The following OTUD4 variants were observed in gnomAD, a reference collection of about 807,000 sequenced individuals.
The protein encoded by OTUD4 is OTU domain-containing protein 4.
In OTUD4, 24 loss-of-function variants were observed where a neutral mutation model predicts 130.4. The ratio of observed to expected loss-of-function variants is 0.18; its 90% CI spans 0.13 to 0.26. The LOEUF (loss-of-function observed/expected upper bound fraction) is 0.26. Ranked by LOEUF, OTUD4 falls within the 10% of genes least tolerant of loss-of-function variation. The pLI, the probability that OTUD4 is intolerant of heterozygous loss-of-function variation, is 1.00. For synonymous variants in OTUD4, 420 were observed against 472.5 expected (o/e 0.89, Z 1.44); for missense variants, 1,031 against 1,329.4 (o/e 0.78, Z 3.49).
intron 7 of OTUD4, among the ~76,000 whole-genome samples, chr4:145,157,950 A>G (rs766566343): frequency 1.3e-5 from 2 of 152,158 alleles, no homozygotes; most frequent in Non-Finnish European, 2.9e-5. Flanking sequence ...AAAGTCCCCC[A>G]ACCCCAATCA....
rs1451022080 is a variant in OTUD4, at chr4:145,162,336, G to A, written c.496+304C>T. ...TGGGAGGTCGAGGCGGGCGGATCAC[G>A]AGGTCAGGAGATCGAGACCACCCTG... On this transcript the variant is annotated intron_variant, in intron 6 of 20. Transcript: ENST00000447906. 5.3e-5 allele frequency among the ~76,000 whole-genome samples: 8 copies of A among 152,072 alleles called. No homozygotes were observed. The South Asian group carries it at 1.0e-3, about 20-fold the overall frequency.
At chr4:145,152,730 TTC>T in intron 10 of OTUD4, 95 bp from the exon 11 acceptor site, 1 of 694,696 alleles carries the variant, frequency 1.4e-6, no homozygotes. Context: ...TTTTTTTTTT[TTC>T]TTGAGACAGG....
intron 2 of OTUD4, among the ~76,000 whole-genome samples, chr4:145,173,342 C>A (rs1752267403): frequency 6.6e-6 from 1 of 151,616 alleles, no homozygotes; most frequent in Non-Finnish European, 1.5e-5. Flanking sequence ...TGCAGTGAGC[C>A]AAGATGGCGC....
intron 3 of OTUD4, among the ~76,000 whole-genome samples, chr4:145,168,513 C>G (rs1277418134): frequency 6.8e-6 from 1 of 147,048 alleles, no homozygotes; most frequent in Non-Finnish European, 1.5e-5. Context: ...GTATAAAGAA[C>G]TAGTAAAATT....
intron 14 of OTUD4, among the ~76,000 whole-genome samples, chr4:145,144,712 G>C (rs1011818008): frequency 6.6e-6 from 1 of 152,164 alleles, no homozygotes; most frequent in African/African-American, 2.4e-5. Flanking sequence ...AAGCCACCCT[G>C]AACAAACCTT....
Position 145,158,714 on chromosome 4 carries a change from A to AT in OTUD4, c.629+788_629+789insA, listed in dbSNP as rs1052288659. On this transcript the variant is annotated intron_variant, in intron 7 of 20. Coordinates refer to ENST00000447906, the MANE Select transcript of OTUD4 (RefSeq NM_001366057.1). The stretch of plus-strand genomic sequence containing the variant: ...ATACCATAGGTTTGGTTCTTATAAA[A>AT]GACAGAGTAAACATCCTAATATAAC... Among the ~76,000 whole-genome samples, 12 of 152,328 alleles carry AT rather than the reference A, an allele frequency of 7.9e-5. 1 individual carries two copies. The highest frequency in any genetic ancestry group is 2.6e-4 in the Admixed American group (4 of 15,306).
chr4:145,179,675 A>C (rs574108939), intron 1 of OTUD4, 140 bp downstream of exon 1: 1 of 1,404,992 alleles, frequency 7.1e-7, no homozygotes, highest in African/African-American at 1.5e-5. Flanking sequence ...CCGGCGTTAC[A>C]ATGGGGCGCT....
chr4:145,179,042 T>C (rs2126818612), intron 1 of OTUD4, among the ~76,000 whole-genome samples: 1 of 152,186 alleles, frequency 6.6e-6, no homozygotes, highest in East Asian at 1.9e-4. Context: ...ACACACAGTG[T>C]TATATAACAT....
At chr4:145,175,827 T>C (rs568493645) in intron 1 of OTUD4, among the ~76,000 whole-genome samples, 2 of 151,644 alleles carry the variant, frequency 1.3e-5, no homozygotes, top group Non-Finnish European at 2.9e-5. Flanking sequence ...ACAACAGGCA[T>C]GAGCCACTGT....
At chr4:145,150,444 A>G in intron 13 of OTUD4, 69 bp downstream of exon 13, 7 of 1,053,872 alleles carry the variant, frequency 6.6e-6, no homozygotes, top group Non-Finnish European at 5.7e-6. Flanking sequence ...TCAAATGCAC[A>G]TAATGTGGCA....
At position 145,179,584 on chromosome 4, in the gene OTUD4, C is replaced by A. The variant is rs906752882; in HGVS notation, c.159+231G>T. The A allele has an allele frequency of 7.3e-6, 10 of 1,363,100 alleles. No individual in the cohort carries two copies. In the East Asian group the frequency reaches 1.9e-4, roughly 26 times the overall value. 84.4% of individuals were successfully genotyped at this position (1,363,100 alleles called of 1,614,324 possible). A position where few individuals can be genotyped will look rare whatever the true frequency, so the allele number is the denominator to read the frequency against. On this transcript the variant is annotated intron_variant, in intron 1 of 20. Coordinates refer to ENST00000447906, the MANE Select transcript of OTUD4 (RefSeq NM_001366057.1). ...AGTTGTCCTCAACTCATTACCTCTTCATCAGGAGAGAGACACCCCGTTAAT... is the reference window on the plus strand; with the variant it reads ...AGTTGTCCTCAACTCATTACCTCTTAATCAGGAGAGAGACACCCCGTTAAT...
At chr4:145,153,282 T>C (rs1451150422) in intron 10 of OTUD4, among the ~76,000 whole-genome samples, 1 of 152,228 alleles carries the variant, frequency 6.6e-6, no homozygotes, top group East Asian at 1.9e-4. Context: ...AGGTCCTGGT[T>C]CTGAAGGCAG....
chr4:145,155,940 T>C lies in OTUD4; in HGVS notation c.686A>G (p.Asn229Ser). The change falls in exon 8 of 21, where the codon AAT (asparagine) becomes AGT (serine). Residue 229 changes from asparagine to serine, a missense_variant. This residue lies in a region of OTUD4 where 900 missense variants were observed against 1,095.9 expected (regional missense o/e 0.82). Transcript: ENST00000447906. ...AACCACTTTTAAAAAAAATACCTCA[T>C]TGCCTGACAAAGGTTTAAATCCATT... ...DVNGFKPLSG[N>S]EQLKNNGNST... is the part of the protein sequence containing the mutation. The C allele has an allele frequency of 6.2e-7, 1 of 1,608,418 alleles. No homozygotes were observed. The highest frequency in any genetic ancestry group is 8.5e-7 in the Non-Finnish European group (1 of 1,177,562).
Position 145,137,418 on chromosome 4 carries a change from C to G in OTUD4, c.*12G>C, listed in dbSNP as rs772387217. ...TAAGAGTTTCTGTTAGAAAATACTT[C>G]GGCAACAACCATCAAGTGTGCTGTC... On this transcript the variant is annotated 3_prime_UTR_variant, in exon 21 of 21. Transcript: ENST00000447906. 6.3e-7 allele frequency: 1 copy of G among 1,575,772 alleles called. No homozygotes were observed. Among genetic ancestry groups the G allele is most frequent in the Non-Finnish European group, 8.6e-7 (1 of 1,158,248 alleles).
chr4:145,135,311 A>G lies in OTUD4; in HGVS notation c.*2119T>C, dbSNP rs1477454654. ...TCAATTGAGGTAAGACAAAGTGACA[A>G]TGAAGATATGAGTAGTATTTCCTTC... On this transcript the variant is annotated 3_prime_UTR_variant, in exon 21 of 21. Coordinates refer to ENST00000447906, the MANE Select transcript of OTUD4 (RefSeq NM_001366057.1). 3.0e-4 allele frequency: 46 copies of G among 153,408 alleles called. No individual in the cohort carries two copies. The highest frequency in any genetic ancestry group is 1.7e-4 in the Non-Finnish European group (12 of 68,914). The allele number at this position is 153,408 out of a possible 1,614,324, so 9.5% of individuals were successfully genotyped here.
chr4:145,152,909 A>AT (rs1467976388), intron 10 of OTUD4, among the ~76,000 whole-genome samples: 3 of 130,320 alleles, frequency 2.3e-5, no homozygotes, highest in Non-Finnish European at 5.1e-5. Context: ...TTTTTTTTGT[A>AT]TTTTTAGTAG....
At chr4:145,172,376 G>T (rs1186837129) in intron 2 of OTUD4, among the ~76,000 whole-genome samples, 1 of 152,230 alleles carries the variant, frequency 6.6e-6, no homozygotes, top group Non-Finnish European at 1.5e-5. Flanking sequence ...AGTGATACTA[G>T]AAAGAGCGAT....
At chr4:145,154,736 A>C (rs1054885414) in intron 10 of OTUD4, among the ~76,000 whole-genome samples, 2 of 148,316 alleles carry the variant, frequency 1.3e-5, no homozygotes, top group Non-Finnish European at 3.0e-5. Context: ...CCATTGTAGA[A>C]TGTTTGGCCA....
chr4:145,175,386 T>TA (rs1482832694), intron 1 of OTUD4, among the ~76,000 whole-genome samples: 1 of 152,214 alleles, frequency 6.6e-6, no homozygotes, highest in East Asian at 1.9e-4. Context: ...GGTTTGTTTT[T>TA]ATGCCCTAAA....
Sources: allele counts gnomAD v4.1 joint callset (sites outside exome capture counted in the v4.1 genomes callset), GRCh38; gene constraint gnomAD v4.1.1; regional missense constraint gnomAD v4.1.1; transcripts MANE v1.5; gene names NCBI Gene and HGNC (gene_info 2026-07-23, HGNC 2026-07-21).